PTPRM: variants seen among roughly 807,000 people sequenced by gnomAD.
PTPRM encodes the protein receptor-type tyrosine-protein phosphatase mu.
PTPRM carries 47 observed loss-of-function variants against 186.7 expected under a neutral mutation model. The ratio of observed to expected loss-of-function variants is 0.25; its 90% CI spans 0.20 to 0.32. The LOEUF is 0.32. PTPRM is among the 10% of genes least tolerant of loss of function. PTPRM has a pLI of 1.00. For missense variants in PTPRM, 1,494 were observed against 1,865.0 expected (o/e 0.80, Z 3.66); for synonymous variants, 668 against 674.9 (o/e 0.99, Z 0.16).
At chr18:8,054,038 CCAAG>C (rs2148290966) in intron 7 of PTPRM, among the ~76,000 whole-genome samples, 1 of 151,964 alleles carries the variant, frequency 6.6e-6, no homozygotes, top group South Asian at 2.1e-4. Context: ...TGCTTGTTTG[CCAAG>C]CCTGTCACAT....
chr18:7,758,675 G>A (rs1248316186), intron 1 of PTPRM, among the ~76,000 whole-genome samples: 3 of 152,058 alleles, frequency 2.0e-5, no homozygotes, highest in African/African-American at 7.2e-5. Flanking sequence ...GTAGAATGAA[G>A]GTCTTTATTA....
Position 7,955,297 on chromosome 18 carries a change from A to G in PTPRM, c.1015A>G (p.Lys339Glu). The G allele has an allele frequency of 6.2e-7, 1 of 1,614,194 alleles. No homozygotes were observed. ...GCAGCCAGTCGATTCCACGAGCTATAAAATTGGACACCTTGACCCAGATAC... is the reference window on the plus strand; with the variant it reads ...GCAGCCAGTCGATTCCACGAGCTATGAAATTGGACACCTTGACCCAGATAC... ...DRQPVDSTSY[K>E]IGHLDPDTEY... The change falls in exon 7 of 33, where the codon AAA becomes GAA. Residue 339 changes from lysine to glutamate, a missense_variant. Physicochemically the swap from Lys to Glu is moderately conservative, Grantham distance 56. Coordinates refer to ENST00000580170, the MANE Select transcript of PTPRM (RefSeq NM_001105244.2).
At chr18:7,939,507 A>G (rs1208649918) in intron 5 of PTPRM, among the ~76,000 whole-genome samples, 1 of 152,230 alleles carries the variant, frequency 6.6e-6, no homozygotes, top group Non-Finnish European at 1.5e-5. Flanking sequence ...TCTAATTTAA[A>G]TAACTATCAG....
chr18:7,626,091 G>A (rs2038055246), intron 1 of PTPRM, among the ~76,000 whole-genome samples: 1 of 152,202 alleles, frequency 6.6e-6, no homozygotes, highest in African/African-American at 2.4e-5. Context: ...CTAGGCTCTT[G>A]TAATTTTAGC....
intron 1 of PTPRM, among the ~76,000 whole-genome samples, chr18:7,603,616 T>C (rs1426783023): frequency 3.3e-5 from 5 of 152,266 alleles, no homozygotes; most frequent in Non-Finnish European, 7.3e-5. Context: ...AGTATCTGTT[T>C]GTCTGAAGCC....
chr18:7,632,806 A>T (rs1012267004), intron 1 of PTPRM, among the ~76,000 whole-genome samples: 2 of 152,206 alleles, frequency 1.3e-5, no homozygotes, highest in African/African-American at 4.8e-5. Context: ...AGGAATTAGC[A>T]TGCCTGATTA....
At chr18:8,254,938 A>G (rs547525147) in intron 19 of PTPRM, among the ~76,000 whole-genome samples, 1 of 152,368 alleles carries the variant, frequency 6.6e-6, no homozygotes, top group Admixed American at 6.5e-5. Flanking sequence ...AAACAATCCC[A>G]TCCAGACCGT....
chr18:8,302,105 AG>A (rs1034638453), intron 20 of PTPRM, among the ~76,000 whole-genome samples: 4 of 152,146 alleles, frequency 2.6e-5, no homozygotes, highest in African/African-American at 9.7e-5. Flanking sequence ...GTGGGGGAGA[AG>A]GGGGTGATGT....
intron 2 of PTPRM, among the ~76,000 whole-genome samples, chr18:7,777,804 A>G (rs1480455870): frequency 1.3e-5 from 2 of 152,148 alleles, no homozygotes; most frequent in African/African-American, 4.8e-5. Flanking sequence ...GATTTTCTTT[A>G]TTTTTTAGTA....
intron 19 of PTPRM, among the ~76,000 whole-genome samples, chr18:8,263,764 A>G (rs2094663740): frequency 6.6e-6 from 1 of 152,194 alleles, no homozygotes. Flanking sequence ...GGGCTGCTGA[A>G]TATATACATG....
chr18:8,299,221 G>T (rs77072676), intron 20 of PTPRM, among the ~76,000 whole-genome samples: 169 of 152,238 alleles, frequency 1.1e-3, no homozygotes, highest in African/African-American at 4.0e-3. Context: ...CCCGTTGCTC[G>T]TCACAGCTGG....
chr18:8,271,039 A>G (rs78791055), intron 19 of PTPRM, among the ~76,000 whole-genome samples: 5,002 of 152,264 alleles, frequency 0.033, 132 homozygotes, highest in African/African-American at 0.075. Context: ...AAATTAGGTT[A>G]TAAGATGTGT....
At chr18:8,019,942 CCT>C (rs1174382181) in intron 7 of PTPRM, among the ~76,000 whole-genome samples, 5 of 151,520 alleles carry the variant, frequency 3.3e-5, no homozygotes, top group Non-Finnish European at 5.9e-5. Context: ...AAAAGATCCT[CCT>C]GAGAAAGTTC....
At chr18:7,774,542 A>C (rs1337457702) in intron 2 of PTPRM, among the ~76,000 whole-genome samples, 2 of 152,230 alleles carry the variant, frequency 1.3e-5, no homozygotes, top group East Asian at 3.9e-4. Context: ...TTTCCCAAGC[A>C]GCAAATATGA....
At chr18:7,637,631 A>C (rs1431805589) in intron 1 of PTPRM, among the ~76,000 whole-genome samples, 1 of 152,142 alleles carries the variant, frequency 6.6e-6, no homozygotes, top group Non-Finnish European at 1.5e-5. Flanking sequence ...CTATTCTATG[A>C]ACGTTTCTTT....
intron 1 of PTPRM, among the ~76,000 whole-genome samples, chr18:7,744,129 T>C (rs559480666): frequency 1.3e-5 from 2 of 152,238 alleles, no homozygotes; most frequent in African/African-American, 4.8e-5. Context: ...TAAAATCAGG[T>C]TTGAAAAAAT....
intron 19 of PTPRM, among the ~76,000 whole-genome samples, chr18:8,278,677 G>A (rs1333007120): frequency 6.6e-6 from 1 of 152,262 alleles, no homozygotes; most frequent in East Asian, 1.9e-4. Context: ...TAAGAAACGG[G>A]TCATGGCACA....
intron 1 of PTPRM, among the ~76,000 whole-genome samples, chr18:7,702,341 C>G (rs1260003383): frequency 1.3e-5 from 2 of 152,184 alleles, no homozygotes; most frequent in African/African-American, 4.8e-5. Flanking sequence ...TCCACATCCT[C>G]TCCGGCATCT....
intron 7 of PTPRM, among the ~76,000 whole-genome samples, chr18:8,046,482 G>A (rs1181476098): frequency 1.3e-5 from 2 of 152,000 alleles, no homozygotes; most frequent in Non-Finnish European, 2.9e-5. Context: ...TTTCTATCTT[G>A]TATCCATCCT....
Sources: gnomAD v4.1 joint callset for allele counts (sites outside exome capture counted in the v4.1 genomes callset) on GRCh38, gnomAD v4.1.1 for gene constraint, MANE v1.5 for transcripts, NCBI Gene and HGNC (gene_info 2026-07-23, HGNC 2026-07-21) for gene names.